The following CNTNAP4 variants were observed in gnomAD, a reference collection of about 807,000 sequenced individuals.
The protein encoded by CNTNAP4 is contactin-associated protein-like 4.
In CNTNAP4, 98 loss-of-function variants were observed where a neutral mutation model predicts 148.4. The observed-to-expected ratio is 0.66, with a 90% CI of 0.56 to 0.78. The LOEUF (loss-of-function observed/expected upper bound fraction) is 0.78. Ranked by LOEUF, CNTNAP4 falls within the 30% of genes least tolerant of loss-of-function variation. The pLI, the probability that CNTNAP4 is intolerant of heterozygous loss-of-function variation, is 0.00. For missense variants in CNTNAP4, 1,935 were observed against 1,565.6 expected (o/e 1.24, Z -3.98); for synonymous variants, 730 against 565.1 (o/e 1.29, Z -4.14).
At chr16:76,376,016 G>T (rs577129900) in intron 3 of CNTNAP4, among the ~76,000 whole-genome samples, 54 of 152,156 alleles carry the variant, frequency 3.5e-4, no homozygotes, top group African/African-American at 1.2e-3. Context: ...GAAAGAGTTT[G>T]TGTGAAAGTT....
intron 2 of CNTNAP4, among the ~76,000 whole-genome samples, chr16:76,340,722 T>C (rs1037786994): frequency 1.3e-5 from 2 of 152,242 alleles, no homozygotes; most frequent in East Asian, 1.9e-4. Context: ...TTGCTCACTT[T>C]CGTGGCGTTT....
intron 3 of CNTNAP4, among the ~76,000 whole-genome samples, chr16:76,398,938 G>T (rs375594264): frequency 1.3e-5 from 2 of 152,056 alleles, no homozygotes; most frequent in Non-Finnish European, 2.9e-5. Flanking sequence ...CTGTGTCAAG[G>T]GGGGGTCCAG....
At chr16:76,457,289 G>A (rs927903783) in intron 8 of CNTNAP4, among the ~76,000 whole-genome samples, 1 of 152,156 alleles carries the variant, frequency 6.6e-6, no homozygotes, top group African/African-American at 2.4e-5. Context: ...GAGTTAAAGG[G>A]ACATTTTGTG....
intron 2 of CNTNAP4, among the ~76,000 whole-genome samples, chr16:76,322,072 A>T (rs1285842563): frequency 6.6e-6 from 1 of 152,126 alleles, no homozygotes; most frequent in Non-Finnish European, 1.5e-5. Context: ...GGAAAACAGA[A>T]CATGCCAGCA....
intron 3 of CNTNAP4, among the ~76,000 whole-genome samples, chr16:76,393,056 C>T (rs1202153002): frequency 6.6e-6 from 1 of 152,176 alleles, no homozygotes; most frequent in Non-Finnish European, 1.5e-5. Context: ...TGTATTCTGA[C>T]ATTGAGCTAG....
intron 2 of CNTNAP4, among the ~76,000 whole-genome samples, chr16:76,352,303 C>G (rs1004035940): frequency 7.9e-5 from 12 of 152,138 alleles, no homozygotes; most frequent in African/African-American, 2.9e-4. Context: ...GAGAGAAAAA[C>G]TCATCCACAC....
chr16:76,412,516 T>C (rs1482669623), intron 3 of CNTNAP4, among the ~76,000 whole-genome samples: 9 of 151,530 alleles, frequency 5.9e-5, no homozygotes, highest in Middle Eastern at 6.8e-3. Context: ...AAACACTTGG[T>C]ATTAATTTTC....
chr16:76,342,097 G>T lies in CNTNAP4; in HGVS notation c.197-13221G>T, dbSNP rs559667765. ...AAGCTGCTGTTCCTTTGTTTTGAAA[G>T]CATCATCCCTCAAGAATCATGCAAA... is the stretch of plus-strand genomic sequence containing the variant. On this transcript the variant is annotated intron_variant, in intron 2 of 23. Coordinates refer to ENST00000611870, the MANE Select transcript of CNTNAP4 (RefSeq NM_033401.5). Among the ~76,000 whole-genome samples the T allele has an allele frequency of 1.7e-4, 26 of 152,272 alleles. 1 individual carries two copies. The East Asian group carries it at 4.8e-3, about 28-fold the overall frequency.
chr16:76,484,049 T>C (rs537080959), intron 12 of CNTNAP4, among the ~76,000 whole-genome samples: 3 of 151,778 alleles, frequency 2.0e-5, no homozygotes, highest in Middle Eastern at 3.4e-3. Flanking sequence ...AACATTTACT[T>C]TTTTATATTA....
intron 1 of CNTNAP4, among the ~76,000 whole-genome samples, chr16:76,294,691 A>G (rs1239270731): frequency 6.6e-6 from 1 of 152,230 alleles, no homozygotes; most frequent in Non-Finnish European, 1.5e-5. Context: ...GTTCCAAAAC[A>G]TAGTAATTTC....
intron 13 of CNTNAP4, among the ~76,000 whole-genome samples, chr16:76,491,465 T>C (rs2082218502): frequency 1.3e-5 from 2 of 152,232 alleles, no homozygotes; most frequent in Admixed American, 6.5e-5. Context: ...GTTGCAGTGA[T>C]GATTGGGTGG....
intron 3 of CNTNAP4, among the ~76,000 whole-genome samples, chr16:76,360,976 C>A (rs1003312134): frequency 8.6e-5 from 13 of 151,894 alleles, no homozygotes; most frequent in Non-Finnish European, 1.9e-4. Flanking sequence ...GCCTCCACAC[C>A]CGGCTAATTT....
At chr16:76,493,960 A>G (rs1419430346) in intron 13 of CNTNAP4, among the ~76,000 whole-genome samples, 2 of 152,222 alleles carry the variant, frequency 1.3e-5, no homozygotes, top group Non-Finnish European at 2.9e-5. Context: ...GCTAATGGTG[A>G]CAACTTGAAG....
At chr16:76,474,356 A>T (rs1301178068) in intron 10 of CNTNAP4, among the ~76,000 whole-genome samples, 1 of 152,208 alleles carries the variant, frequency 6.6e-6, no homozygotes, top group Non-Finnish European at 1.5e-5. Flanking sequence ...AGTTTTCTAA[A>T]GTAAACGCTC....
chr16:76,289,948 C>T (rs1959046789), intron 1 of CNTNAP4, among the ~76,000 whole-genome samples: 1 of 152,154 alleles, frequency 6.6e-6, no homozygotes, highest in Admixed American at 6.5e-5. Flanking sequence ...TTAGATTCTG[C>T]TCACGTTTCA....
Position 76,467,476 on chromosome 16 carries a change from T to C in CNTNAP4, c.1608T>C (p.Leu536=). The C allele has an allele frequency of 6.2e-7, 1 of 1,613,874 alleles. No homozygotes were observed. Among genetic ancestry groups the C allele is most frequent in the East Asian group, 2.2e-5 (1 of 44,852 alleles). ...TGATTTCAGTTCAGCAGGGGTCCCTTGGGAACTTCAGTGACCTTCAGATAG... is the reference window on the plus strand; with the variant it reads ...TGATTTCAGTTCAGCAGGGGTCCCTCGGGAACTTCAGTGACCTTCAGATAG... ...VDLISVQQGS[L]GNFSDLQIDS... The change falls in exon 10 of 24, where the codon CTT becomes CTC. Residue 536 remains leucine, a synonymous_variant. Transcript: ENST00000611870.
At chr16:76,547,719 T>TGACCCATAG (rs1165339325) in intron 21 of CNTNAP4, among the ~76,000 whole-genome samples, 2 of 152,230 alleles carry the variant, frequency 1.3e-5, no homozygotes, top group African/African-American at 2.4e-5. Context: ...TTAGAGGCGA[T>TGACCCATAG]GACCCATAGG....
At chr16:76,424,714 G>T (rs1163640572) in intron 3 of CNTNAP4, among the ~76,000 whole-genome samples, 3 of 151,928 alleles carry the variant, frequency 2.0e-5, no homozygotes, top group Non-Finnish European at 4.4e-5. Flanking sequence ...AGCTGAGATT[G>T]TGCCACTGCA....
chr16:76,361,795 G>T (rs368691674), intron 3 of CNTNAP4, among the ~76,000 whole-genome samples: 12 of 152,102 alleles, frequency 7.9e-5, no homozygotes, highest in African/African-American at 2.9e-4. Context: ...TATGTACTAG[G>T]GTTCCGATTT....
Sources: gnomAD v4.1 joint callset for allele counts (sites outside exome capture counted in the v4.1 genomes callset) on GRCh38, gnomAD v4.1.1 for gene constraint, MANE v1.5 for transcripts, NCBI Gene and HGNC (gene_info 2026-07-23, HGNC 2026-07-21) for gene names.